Variants in PALM2AKAP2 observed in about 807,000 individuals in gnomAD.
PALM2AKAP2 encodes PALM2-AKAP2 fusion protein.
In PALM2AKAP2, 37 loss-of-function variants were observed where a neutral mutation model predicts 71.5. That is an observed-to-expected ratio of 0.52 (90% CI 0.40 to 0.68). The LOEUF is 0.68. PALM2AKAP2 is among the 30% of genes least tolerant of loss of function. The probability of loss-of-function intolerance (pLI) is 0.00; values close to 1 mark genes in which losing one functional copy is unlikely to be tolerated. For synonymous variants in PALM2AKAP2, 468 were observed against 478.8 expected, an observed-to-expected ratio of 0.98 and a Z score of 0.29; for missense variants, 1,224 against 1,191.8, an observed-to-expected ratio of 1.03 and a Z score of -0.40.
At chr9:109,708,655 T>G (rs995006262) in intron 1 of PALM2AKAP2, among the ~76,000 whole-genome samples, 2 of 152,236 alleles carry the variant, frequency 1.3e-5, no homozygotes, top group African/African-American at 4.8e-5. Flanking sequence ...TTAGGTTTGC[T>G]TTCTGAAATC....
intron 7 of PALM2AKAP2, among the ~76,000 whole-genome samples, chr9:110,043,196 C>G (rs941567732): frequency 6.6e-6 from 1 of 152,202 alleles, no homozygotes. Context: ...CCTTCCTTCC[C>G]TTTGGTGTCC....
intron 6 of PALM2AKAP2, among the ~76,000 whole-genome samples, chr9:110,011,395 G>T (rs1832883494): frequency 6.6e-6 from 1 of 152,022 alleles, no homozygotes; most frequent in African/African-American, 2.4e-5. Flanking sequence ...CTTTGCAAAT[G>T]TTGGTGCTAT....
chr9:109,841,558 G>A (rs1828679365), intron 1 of PALM2AKAP2, among the ~76,000 whole-genome samples: 1 of 41,730 alleles, frequency 2.4e-5, no homozygotes, highest in Non-Finnish European at 4.6e-5. Flanking sequence ...AGGGGAGGGT[G>A]GGGGGATGGA....
intron 2 of PALM2AKAP2, among the ~76,000 whole-genome samples, chr9:110,154,562 TA>T (rs1311831484): frequency 5.3e-5 from 8 of 152,214 alleles, no homozygotes; most frequent in African/African-American, 1.9e-4. Context: ...ATAATGTTTA[TA>T]GGGGTCATTA....
intron 6 of PALM2AKAP2, among the ~76,000 whole-genome samples, chr9:109,999,028 A>G (rs1832629342): frequency 6.6e-6 from 1 of 152,026 alleles, no homozygotes; most frequent in Non-Finnish European, 1.5e-5. Context: ...CAGGGAGGAC[A>G]GTCCCTATCT....
chr9:109,846,780 G>A (rs991418596), intron 1 of PALM2AKAP2, among the ~76,000 whole-genome samples: 7 of 152,232 alleles, frequency 4.6e-5, no homozygotes, highest in Non-Finnish European at 7.3e-5. Context: ...CAGGAATAAA[G>A]AGTACACTAG....
intron 1 of PALM2AKAP2, among the ~76,000 whole-genome samples, chr9:109,830,025 TA>T (rs1163934049): frequency 2.0e-5 from 3 of 152,190 alleles, no homozygotes; most frequent in African/African-American, 7.2e-5. Flanking sequence ...AAATTTCTTT[TA>T]GCCTCTGTTT....
chr9:109,845,637 G>T (rs1439012491), intron 1 of PALM2AKAP2, among the ~76,000 whole-genome samples: 1 of 152,108 alleles, frequency 6.6e-6, no homozygotes, highest in Non-Finnish European at 1.5e-5. Context: ...TGTAACCTCA[G>T]GGGGAGAACT....
At chr9:110,088,431 T>A (rs1355214777) in intron 1 of PALM2AKAP2, among the ~76,000 whole-genome samples, 1 of 152,186 alleles carries the variant, frequency 6.6e-6, no homozygotes, top group African/African-American at 2.4e-5. Flanking sequence ...ACCTGATTGG[T>A]TGTGGGAAGG....
chr9:109,819,913 A>G (rs1253816443), intron 1 of PALM2AKAP2, among the ~76,000 whole-genome samples: 1 of 152,200 alleles, frequency 6.6e-6, no homozygotes, highest in Non-Finnish European at 1.5e-5. Context: ...AGAAACAAGG[A>G]CCAGAAGGTG....
chr9:110,015,970 T>A (rs748873634), exon 7 of PALM2AKAP2: 2 of 1,613,950 alleles, frequency 1.2e-6, no homozygotes, highest in East Asian at 4.5e-5. Context: ...GGTGGGAGAA[T>A]GTGCTGCTAA....
chr9:110,082,789 A>G (rs1266301954), intron 1 of PALM2AKAP2, among the ~76,000 whole-genome samples: 1 of 152,262 alleles, frequency 6.6e-6, no homozygotes, highest in African/African-American at 2.4e-5. Context: ...AACTGTTGCC[A>G]ACATTTTTGT....
chr9:109,900,256 C>T (rs560213760), intron 3 of PALM2AKAP2, among the ~76,000 whole-genome samples: 1 of 152,292 alleles, frequency 6.6e-6, no homozygotes, highest in African/African-American at 2.4e-5. Context: ...CAAGTACTGC[C>T]ATGAACAAAC....
At chr9:110,133,052 G>T (rs969893802) in intron 1 of PALM2AKAP2, among the ~76,000 whole-genome samples, 1 of 152,002 alleles carries the variant, frequency 6.6e-6, no homozygotes, top group East Asian at 1.9e-4. Context: ...TCAAATTGTT[G>T]TCTTAGATTT....
At chr9:109,851,149 C>G (rs1249309336) in intron 1 of PALM2AKAP2, among the ~76,000 whole-genome samples, 1 of 151,412 alleles carries the variant, frequency 6.6e-6, no homozygotes, top group African/African-American at 2.4e-5. Context: ...TGCACTCCAG[C>G]CTGGGCAACA....
At chr9:110,083,097 C>T (rs1297164460) in intron 1 of PALM2AKAP2, among the ~76,000 whole-genome samples, 4 of 152,090 alleles carry the variant, frequency 2.6e-5, no homozygotes, top group Non-Finnish European at 4.4e-5. Context: ...GTCAAGATCA[C>T]GCCATTGCAC....
chr9:109,827,563 C>T (rs7467194), intron 1 of PALM2AKAP2, among the ~76,000 whole-genome samples: 17,178 of 151,960 alleles, frequency 0.11, 1,522 homozygotes, highest in African/African-American at 0.25. Context: ...GAGCCGGGAT[C>T]GCACCACTGC....
intron 6 of PALM2AKAP2, chr9:109,945,468 C>T (rs1266937022): frequency 2.6e-5 from 4 of 152,184 alleles, no homozygotes; most frequent in Admixed American, 2.6e-4. Flanking sequence ...CTACTCTCAG[C>T]TTCATTTTCC....
At chr9:110,016,152 C>A in intron 7 of PALM2AKAP2, 113 bp downstream of exon 7, 1 of 1,013,336 alleles carries the variant, frequency 9.9e-7, no homozygotes, top group South Asian at 1.4e-5. Context: ...TGCTAGAGTT[C>A]TCTCTCTACT....
Sources: gnomAD v4.1 joint callset for allele counts (sites outside exome capture counted in the v4.1 genomes callset) on GRCh38, gnomAD v4.1.1 for gene constraint, MANE v1.5 for transcripts, NCBI Gene and HGNC (gene_info 2026-07-23, HGNC 2026-07-21) for gene names.